Variants in GPC5 observed in about 807,000 individuals in gnomAD.
GPC5 encodes the protein glypican 5, also known as glypican-5.
In GPC5, 47 loss-of-function variants were observed where a neutral mutation model predicts 53.9. The observed-to-expected ratio is 0.87, with a 90% CI of 0.69 to 1.11. The LOEUF (loss-of-function observed/expected upper bound fraction) is 1.11, where lower values mean the gene tolerates loss of function less well. Ranked by LOEUF, GPC5 falls within the 50% of genes most tolerant of loss-of-function variation. GPC5 has a pLI of 0.00. For missense variants in GPC5, 748 were observed against 713.1 expected (o/e 1.05, Z -0.56); for synonymous variants, 286 against 263.3 (o/e 1.09, Z -0.84).
intron 6 of GPC5, among the ~76,000 whole-genome samples, chr13:92,011,666 A>T (rs866821145): frequency 6.6e-6 from 1 of 152,202 alleles, no homozygotes; most frequent in Non-Finnish European, 1.5e-5. Flanking sequence ...TATTGAACTC[A>T]GTTTTGCAAG....
chr13:92,640,423 CT>C (rs932119531), intron 7 of GPC5, among the ~76,000 whole-genome samples: 1 of 151,994 alleles, frequency 6.6e-6, no homozygotes, highest in African/African-American at 2.4e-5. Context: ...CCATGCCCAG[CT>C]AATTTTTTTG....
intron 7 of GPC5, among the ~76,000 whole-genome samples, chr13:92,779,177 A>G (rs776087762): frequency 2.0e-5 from 3 of 152,136 alleles, no homozygotes; most frequent in Non-Finnish European, 2.9e-5. Flanking sequence ...ACAAGAGAAT[A>G]GAGCTTGTGC....
rs1324511649 is a variant in GPC5, at chr13:92,095,779, C to T, written c.1402-49051C>T. 7.2e-5 allele frequency among the ~76,000 whole-genome samples: 11 copies of T among 152,172 alleles called. 1 individual carries two copies. The highest frequency in any genetic ancestry group is 1.3e-4 in the Admixed American group (2 of 15,288). ...CGAATTCCTGACCTCGTGATCTGCC[C>T]GCATCAGCCTCCCAAAGTGCTAGGA... On this transcript the variant is annotated intron_variant, in intron 6 of 7. Coordinates refer to ENST00000377067, the MANE Select transcript of GPC5 (RefSeq NM_004466.6).
At chr13:91,697,925 G>A (rs867445715) in intron 3 of GPC5, among the ~76,000 whole-genome samples, 66 of 145,906 alleles carry the variant, frequency 4.5e-4, no homozygotes, top group African/African-American at 1.7e-3. Flanking sequence ...TTTTTGAGAC[G>A]GAGTCTCGCC....
chr13:92,198,419 TTC>T (rs1190410970), intron 7 of GPC5, among the ~76,000 whole-genome samples: 5 of 152,182 alleles, frequency 3.3e-5, no homozygotes, highest in Non-Finnish European at 7.3e-5. Flanking sequence ...TTAATAATAC[TTC>T]TTTCTTAATG....
intron 7 of GPC5, among the ~76,000 whole-genome samples, chr13:92,429,781 A>G (rs1193302659): frequency 2.6e-5 from 4 of 152,118 alleles, no homozygotes; most frequent in African/African-American, 9.6e-5. Flanking sequence ...AGGTCTATTT[A>G]TGCAATGAAA....
At chr13:91,423,039 A>C (rs1422292656) in intron 1 of GPC5, among the ~76,000 whole-genome samples, 10 of 152,184 alleles carry the variant, frequency 6.6e-5, no homozygotes, top group Non-Finnish European at 1.2e-4. Context: ...TTCACACCTT[A>C]TGTTGGATTC....
chr13:91,440,222 T>A (rs1002327698), intron 1 of GPC5, among the ~76,000 whole-genome samples: 4 of 152,190 alleles, frequency 2.6e-5, no homozygotes, highest in Non-Finnish European at 5.9e-5. Flanking sequence ...CAATCTTACC[T>A]ATGTTACACT....
At chr13:92,059,712 GA>G (rs1251951582) in intron 6 of GPC5, 2 of 151,744 alleles carry the variant, frequency 1.3e-5, no homozygotes, top group Admixed American at 1.3e-4. Flanking sequence ...ATAGTATTTA[GA>G]AAACTTCATC....
At chr13:92,625,140 T>C (rs1001950903) in intron 7 of GPC5, among the ~76,000 whole-genome samples, 9 of 152,186 alleles carry the variant, frequency 5.9e-5, no homozygotes, top group African/African-American at 9.7e-5. Flanking sequence ...CCACTGCGAA[T>C]TTACATTAAT....
At chr13:92,083,147 G>A (rs1264966111) in intron 6 of GPC5, among the ~76,000 whole-genome samples, 1 of 152,110 alleles carries the variant, frequency 6.6e-6, no homozygotes, top group Non-Finnish European at 1.5e-5. Flanking sequence ...CCCTTTGGGG[G>A]ACAAGAATTA....
At chr13:92,583,526 G>T (rs1883436503) in intron 7 of GPC5, among the ~76,000 whole-genome samples, 1 of 152,142 alleles carries the variant, frequency 6.6e-6, no homozygotes, top group African/African-American at 2.4e-5. Context: ...GAAGTGCCCT[G>T]TTCTAGTGAC....
chr13:92,192,432 T>G (rs1484376549), intron 7 of GPC5, among the ~76,000 whole-genome samples: 1 of 152,184 alleles, frequency 6.6e-6, no homozygotes, highest in Non-Finnish European at 1.5e-5. Flanking sequence ...ATGGAGCTCA[T>G]TTTTCAAGGA....
intron 2 of GPC5, among the ~76,000 whole-genome samples, chr13:91,597,687 CT>C (rs927581953): frequency 9.2e-5 from 14 of 152,218 alleles, no homozygotes; most frequent in Non-Finnish European, 1.8e-4. Flanking sequence ...TTCTATCCCC[CT>C]TCATGGCAGA....
At chr13:91,521,957 A>C (rs764741364) in intron 2 of GPC5, among the ~76,000 whole-genome samples, 56 of 152,350 alleles carry the variant, frequency 3.7e-4, no homozygotes, top group Admixed American at 3.3e-3. Flanking sequence ...TTAGGGAAAT[A>C]TGTCTGTCTA....
intron 7 of GPC5, chr13:92,180,811 T>C: frequency 4.3e-6 from 1 of 233,564 alleles, no homozygotes; most frequent in Admixed American, 4.3e-5. Context: ...TTAATTTTCT[T>C]TCCTTCCCAT....
intron 2 of GPC5, among the ~76,000 whole-genome samples, chr13:91,626,846 T>G (rs2034016669): frequency 6.6e-6 from 1 of 151,856 alleles, no homozygotes; most frequent in Non-Finnish European, 1.5e-5. Context: ...CAGGCCCTCA[T>G]GTGTGATGTT....
intron 7 of GPC5, among the ~76,000 whole-genome samples, chr13:92,848,136 G>C (rs1487315685): frequency 1.3e-5 from 2 of 152,086 alleles, no homozygotes; most frequent in African/African-American, 4.8e-5. Flanking sequence ...GCCTGCAGTG[G>C]CCTCTAATAT....
chr13:92,531,170 A>C (rs1594281819), intron 7 of GPC5, among the ~76,000 whole-genome samples: 1 of 152,038 alleles, frequency 6.6e-6, no homozygotes, highest in Non-Finnish European at 1.5e-5. Context: ...TTCTTTTTCT[A>C]CTCTGACAGT....
Sources: allele counts gnomAD v4.1 joint callset (sites outside exome capture counted in the v4.1 genomes callset), GRCh38; gene constraint gnomAD v4.1.1; transcripts MANE v1.5; gene names NCBI Gene and HGNC (gene_info 2026-07-23, HGNC 2026-07-21).